The following NKAIN2 variants were observed in gnomAD, a reference collection of about 807,000 sequenced individuals.
NKAIN2 encodes sodium/potassium transporting ATPase interacting 2.
NKAIN2 carries 14 observed loss-of-function variants against 32.6 expected under a neutral mutation model. The ratio of observed to expected loss-of-function variants is 0.43; its 90% CI spans 0.28 to 0.67. The LOEUF (loss-of-function observed/expected upper bound fraction) is 0.67. Ranked by LOEUF, NKAIN2 falls within the 30% of genes least tolerant of loss-of-function variation. NKAIN2 has a pLI of 0.17. For synonymous variants in NKAIN2, 80 were observed against 87.2 expected (o/e 0.92, Z 0.46); for missense variants, 198 against 258.3 (o/e 0.77, Z 1.60).
intron 4 of NKAIN2, among the ~76,000 whole-genome samples, chr6:124,725,640 G>A (rs1776246456): frequency 6.6e-6 from 1 of 152,138 alleles, no homozygotes; most frequent in African/African-American, 2.4e-5. Flanking sequence ...TGCTGAAAGG[G>A]CAATCAGTTG....
Position 123,821,190 on chromosome 6 carries a change from C to A in NKAIN2, c.54+16936C>A, listed in dbSNP as rs573054463. Among the ~76,000 whole-genome samples, 141 of 152,298 alleles carry A rather than the reference C, an allele frequency of 9.3e-4. 1 individual carries two copies. Among genetic ancestry groups the A allele is most frequent in the African/African-American group, 3.2e-3 (133 of 41,572 alleles). On this transcript the variant is annotated intron_variant, in intron 1 of 6. Transcript: ENST00000368417. ...AAAACGCTGACCTGAAAGGGGAATT[C>A]TGTAGAAGTGAGACGTAGCCACTGG...
chr6:124,105,070 C>G (rs1241582524), intron 1 of NKAIN2, among the ~76,000 whole-genome samples: 3 of 152,084 alleles, frequency 2.0e-5, no homozygotes, highest in Non-Finnish European at 4.4e-5. Flanking sequence ...GGGCTGAACT[C>G]GTCATAAAGA....
chr6:124,112,515 A>C (rs1785430841), intron 1 of NKAIN2, among the ~76,000 whole-genome samples: 1 of 152,062 alleles, frequency 6.6e-6, no homozygotes, highest in South Asian at 2.1e-4. Flanking sequence ...GACTTTTGAT[A>C]ATTTGATTAT....
intron 3 of NKAIN2, among the ~76,000 whole-genome samples, chr6:124,610,805 T>C (rs572424424): frequency 1.3e-5 from 2 of 152,322 alleles, no homozygotes; most frequent in South Asian, 4.1e-4. Flanking sequence ...AAATTTTAAG[T>C]GGCACTTCTG....
rs77304631 is a variant in NKAIN2, at chr6:124,334,120, G to A, written c.193-21147G>A. Among the ~76,000 whole-genome samples, 140 of 152,212 alleles carry A rather than the reference G, an allele frequency of 9.2e-4. 1 individual carries two copies. Among genetic ancestry groups the A allele is most frequent in the Non-Finnish European group, 1.4e-3 (98 of 68,018 alleles). ...AGATATTTCATTAATTAAAAGTCTC[G>A]ATGATTTTAAGTATTTCTCTGTAAC... On this transcript the variant is annotated intron_variant, in intron 2 of 6. Coordinates refer to ENST00000368417, the MANE Select transcript of NKAIN2 (RefSeq NM_001040214.3).
intron 4 of NKAIN2, among the ~76,000 whole-genome samples, chr6:124,776,298 T>TACACTG (rs1778981998): frequency 6.6e-6 from 1 of 152,200 alleles, no homozygotes; most frequent in African/African-American, 2.4e-5. Flanking sequence ...CTACACTGGC[T>TACACTG]TCTTGCTGAC....
At chr6:124,379,742 A>G (rs540975525) in intron 3 of NKAIN2, among the ~76,000 whole-genome samples, 2 of 152,300 alleles carry the variant, frequency 1.3e-5, no homozygotes, top group South Asian at 4.1e-4. Flanking sequence ...GTTCAGTTGT[A>G]GAACTATGAT....
rs1388185955 is a variant in NKAIN2 at position 123,873,901 on chromosome 6, G to A, written c.54+69647G>A. ...CTGTTCATTCAGACCTTTGTGCTTT[G>A]TGATGATGATTTTTGCCCTTTTCCT... On this transcript the variant is annotated intron_variant, in intron 1 of 6. Coordinates refer to ENST00000368417, the MANE Select transcript of NKAIN2 (RefSeq NM_001040214.3). Among the ~76,000 whole-genome samples the A allele has an allele frequency of 2.0e-5, 3 of 152,224 alleles. No individual in the cohort carries two copies. In the East Asian group the frequency reaches 5.8e-4, roughly 29 times the overall value.
At chr6:124,650,709 C>T (rs1784339734) in intron 3 of NKAIN2, among the ~76,000 whole-genome samples, 1 of 152,182 alleles carries the variant, frequency 6.6e-6, no homozygotes, top group African/African-American at 2.4e-5. Context: ...TATGCCCCAC[C>T]TCCCAACACT....
intron 1 of NKAIN2, among the ~76,000 whole-genome samples, chr6:124,151,513 G>A (rs757283802): frequency 6.6e-6 from 1 of 151,944 alleles, no homozygotes; most frequent in Non-Finnish European, 1.5e-5. Flanking sequence ...GTGGACATAT[G>A]AACTAATTTC....
intron 1 of NKAIN2, among the ~76,000 whole-genome samples, chr6:124,214,330 G>A (rs1791351268): frequency 6.6e-6 from 1 of 152,072 alleles, no homozygotes; most frequent in African/African-American, 2.4e-5. Context: ...AAAATATAAT[G>A]TTTTGTCTTG....
chr6:124,744,764 T>C (rs1282201072), intron 4 of NKAIN2, among the ~76,000 whole-genome samples: 1 of 151,922 alleles, frequency 6.6e-6, no homozygotes, highest in Non-Finnish European at 1.5e-5. Context: ...GATTACGGAA[T>C]ACAGAGATTT....
chr6:124,536,362 C>T (rs1297071183), intron 3 of NKAIN2, among the ~76,000 whole-genome samples: 1 of 152,026 alleles, frequency 6.6e-6, no homozygotes, highest in African/African-American at 2.4e-5. Flanking sequence ...CTATGTCCTC[C>T]CCAGAACCTC....
chr6:124,787,889 C>G (rs1007256327), intron 4 of NKAIN2, among the ~76,000 whole-genome samples: 1 of 151,908 alleles, frequency 6.6e-6, no homozygotes, highest in African/African-American at 2.4e-5. Context: ...TAAACACAAC[C>G]CCTATCTTTC....
chr6:123,835,494 G>T (rs192014211), intron 1 of NKAIN2, among the ~76,000 whole-genome samples: 13 of 152,292 alleles, frequency 8.5e-5, no homozygotes, highest in Admixed American at 5.2e-4. Context: ...TGACTAAAGA[G>T]TAATCTTGTT....
intron 3 of NKAIN2, among the ~76,000 whole-genome samples, chr6:124,529,787 C>T (rs1043383247): frequency 6.6e-6 from 1 of 152,126 alleles, no homozygotes; most frequent in African/African-American, 2.4e-5. Flanking sequence ...TTTTACTACT[C>T]ATGTTATAAT....
chr6:124,680,168 C>T (rs530675114), intron 4 of NKAIN2, among the ~76,000 whole-genome samples: 54 of 152,208 alleles, frequency 3.5e-4, no homozygotes, highest in African/African-American at 9.6e-4. Context: ...CAAAACTTGA[C>T]GGCTATTTGA....
intron 4 of NKAIN2, among the ~76,000 whole-genome samples, chr6:124,776,914 A>G (rs926647414): frequency 6.6e-6 from 1 of 152,140 alleles, no homozygotes; most frequent in Admixed American, 6.6e-5. Context: ...GAGTGTCTAT[A>G]TTCATCTTAG....
intron 1 of NKAIN2, among the ~76,000 whole-genome samples, chr6:124,258,953 T>C (rs1794089195): frequency 6.6e-6 from 1 of 152,218 alleles, no homozygotes; most frequent in Non-Finnish European, 1.5e-5. Context: ...TTGGATAATT[T>C]AAATTTTCTC....
Sources: gnomAD v4.1 joint callset for allele counts (sites outside exome capture counted in the v4.1 genomes callset) on GRCh38, gnomAD v4.1.1 for gene constraint, MANE v1.5 for transcripts, NCBI Gene and HGNC (gene_info 2026-07-23, HGNC 2026-07-21) for gene names.